The following TMPRSS9 variants were observed in gnomAD, a reference collection of about 807,000 sequenced individuals.
The protein encoded by TMPRSS9 is transmembrane protease serine 9.
TMPRSS9 carries 113 observed loss-of-function variants against 111.4 expected under a neutral mutation model. The observed-to-expected ratio is 1.01, with a 90% CI of 0.87 to 1.19. The LOEUF (loss-of-function observed/expected upper bound fraction) is 1.19, where lower values mean the gene tolerates loss of function less well. Among genes scored for constraint, TMPRSS9 ranks in the 50% most tolerant of loss-of-function variants. TMPRSS9 has a pLI of 0.00. For missense variants in TMPRSS9, 1,803 were observed against 1,513.1 expected, an observed-to-expected ratio of 1.19 and a Z score of -3.18; for synonymous variants, 805 against 659.1, an observed-to-expected ratio of 1.22 and a Z score of -3.39.
At chr19:2,403,312 G>A (rs992604971) in intron 6 of TMPRSS9, 117 bp downstream of exon 7, 11 of 849,172 alleles carry the variant, frequency 1.3e-5, no homozygotes, top group Non-Finnish European at 2.1e-5. Context: ...TGGCATTTAT[G>A]GGGGCTGGGC....
At chr19:2,405,755 G>C (rs1471783185) in intron 7 of TMPRSS9, among the ~76,000 whole-genome samples, 1 of 150,562 alleles carries the variant, frequency 6.6e-6, no homozygotes, top group African/African-American at 2.4e-5. Flanking sequence ...GTCCAGGCTG[G>C]AGTGCAGTGA....
intron 10 of TMPRSS9, chr19:2,414,237 G>T: frequency 1.9e-6 from 1 of 516,504 alleles, no homozygotes; most frequent in African/African-American, 1.9e-5. Context: ...ATCTATCAAT[G>T]GGATACTTTT....
chr19:2,375,159 C>T (rs984648479), intron 1 of TMPRSS9, among the ~76,000 whole-genome samples: 4 of 152,232 alleles, frequency 2.6e-5, no homozygotes, highest in African/African-American at 9.6e-5. Context: ...CCCACGTCTA[C>T]ACGTGGCAGT....
intron 13 of TMPRSS9, among the ~76,000 whole-genome samples, chr19:2,419,714 A>G (rs915763677): frequency 1.3e-5 from 2 of 151,582 alleles, no homozygotes; most frequent in Admixed American, 6.6e-5. Context: ...ACGTGGTTTC[A>G]CCATGTTGGC....
At chr19:2,422,761 G>A (rs1971496074) in intron 14 of TMPRSS9, among the ~76,000 whole-genome samples, 2 of 152,200 alleles carry the variant, frequency 1.3e-5, no homozygotes, top group Admixed American at 6.5e-5. Flanking sequence ...GGTGACAGGT[G>A]CCTGTAATCC....
At chr19:2,394,628 G>A (rs937786030) in intron 1 of TMPRSS9, among the ~76,000 whole-genome samples, 2 of 151,874 alleles carry the variant, frequency 1.3e-5, no homozygotes, top group African/African-American at 4.8e-5. Flanking sequence ...AAAACATACC[G>A]TTTTTAGAAT....
intron 7 of TMPRSS9, among the ~76,000 whole-genome samples, chr19:2,406,475 C>T (rs748221762): frequency 7.4e-4 from 111 of 149,526 alleles, no homozygotes; most frequent in Non-Finnish European, 1.2e-3. Flanking sequence ...TACAGGTGCA[C>T]GCCACCATGC....
At position 2,378,322 on chromosome 19, in the gene TMPRSS9, A is replaced by G. The variant is rs528977445; in HGVS notation, c.-25-11439A>G. 5.9e-5 allele frequency among the ~76,000 whole-genome samples: 9 copies of G among 152,308 alleles called. No homozygotes were observed. The South Asian group carries it at 1.9e-3, about 32-fold the overall frequency. On this transcript the variant is annotated intron_variant, in intron 1 of 17. Transcript: ENST00000649857. ...GAATTGAGTGGTTTCCTGAGACATG[A>G]GACTTTCAGTGCTGAACAGGGACAG...
rs1599301337 is a variant in TMPRSS9, at chr19:2,407,608, C to CTTTTCTTTTCTT, written c.843-744_843-743insCTTTTCTTTTTT. ...ACCTGTGATTTTTTTCTTTTCTTTTCTTTTTTTTTTTTTTTTTTTTTGAGA... is the reference window on the plus strand; with the variant it reads ...ACCTGTGATTTTTTTCTTTTCTTTTCTTTTCTTTTCTTTTTTTTTTTTTTTTTTTTTTTGAGA... On this transcript the variant is annotated intron_variant, in intron 7 of 17. Coordinates refer to ENST00000648592, the Ensembl canonical transcript of TMPRSS9. 1.1e-3 allele frequency among the ~76,000 whole-genome samples: 107 copies of CTTTTCTTTTCTT among 98,342 alleles called. 1 individual carries two copies. Among genetic ancestry groups the CTTTTCTTTTCTT allele is most frequent in the African/African-American group, 1.9e-3 (47 of 24,458 alleles). The allele number at this position is 98,342 out of a possible 152,430, so 64.5% of individuals were successfully genotyped here. A position where few individuals can be genotyped will look rare whatever the true frequency, so the allele number is the denominator to read the frequency against.
Position 2,425,341 on chromosome 19 carries a change from G to C in TMPRSS9, c.2984-16G>C, listed in dbSNP as rs1311407208. 2.1e-6 allele frequency: 3 copies of C among 1,455,684 alleles called. No homozygotes were observed. The highest frequency in any genetic ancestry group is 1.5e-5 in the African/African-American group (1 of 67,102). The allele number at this position is 1,455,684 out of a possible 1,614,324, so 90.2% of individuals were successfully genotyped here. ...ACGCGGTCCCCACCCGCCCCGTCTC[G>C]CTCGCCCGCCCGCAGGCTCCATGGC... On this transcript the variant is annotated splice_polypyrimidine_tract_variant and intron_variant, in intron 16 of 17. Transcript: ENST00000648592.
At position 2,421,283 on chromosome 19, in the gene TMPRSS9, T is replaced by A. The variant is rs187374047; in HGVS notation, c.2155-571T>A. ...TGGGACTATTCATGGCTGTTATTGT[T>A]GTTATTTATTTATTTTTTTTTTTGA... On this transcript the variant is annotated intron_variant, in intron 13 of 17. Transcript: ENST00000648592. Among the ~76,000 whole-genome samples the A allele has an allele frequency of 5.5e-3, 833 of 151,180 alleles. 6 individuals carry two copies. The highest frequency in any genetic ancestry group is 7.9e-3 in the Non-Finnish European group (539 of 67,920).
chr19:2,385,694 T>C (rs1216847112), upstream of TMPRSS9, among the ~76,000 whole-genome samples: 1 of 151,108 alleles, frequency 6.6e-6, no homozygotes, highest in Non-Finnish European at 1.5e-5. Context: ...CTCTACAGAG[T>C]ATAAAAAAAT....
At chr19:2,414,039 TAGA>T (rs1385762463) in intron 10 of TMPRSS9, 21 bp downstream of exon 11, 50 of 1,528,860 alleles carry the variant, frequency 3.3e-5, no homozygotes, top group Non-Finnish European at 4.1e-5. Context: ...GGCAGAAAGG[TAGA>T]AGATGATGTA....
At chr19:2,379,817 C>A (rs1568170959) in intron 1 of TMPRSS9, among the ~76,000 whole-genome samples, 1 of 151,094 alleles carries the variant, frequency 6.6e-6, no homozygotes, top group Non-Finnish European at 1.5e-5. Flanking sequence ...AGTGCAGTGG[C>A]ACAATCACAC....
chr19:2,414,159 T>C, intron 10 of TMPRSS9, 141 bp downstream of exon 11: 2 of 863,418 alleles, frequency 2.3e-6, no homozygotes, highest in Non-Finnish European at 3.4e-6. Context: ...ATTCCCATCT[T>C]ACGTTGCGTG....
intron 7 of TMPRSS9, among the ~76,000 whole-genome samples, chr19:2,406,082 C>T (rs1325738731): frequency 6.9e-6 from 1 of 145,204 alleles, no homozygotes; most frequent in Non-Finnish European, 1.5e-5. Context: ...GTGATCTCGG[C>T]TCACTGCAAG....
chr19:2,383,843 T>C (rs1049691821), intron 1 of TMPRSS9, among the ~76,000 whole-genome samples: 1 of 151,478 alleles, frequency 6.6e-6, no homozygotes, highest in African/African-American at 2.4e-5. Context: ...GTTAATTGTA[T>C]CTAAAAATTA....
intron 8 of TMPRSS9, 75 bp downstream of exon 9, chr19:2,408,705 G>A (rs1323598312): frequency 1.3e-6 from 2 of 1,539,904 alleles, no homozygotes; most frequent in Non-Finnish European, 1.8e-6. Context: ...GGCCAGGTGA[G>A]GTGGCTCACG....
At chr19:2,408,275 G>T in intron 7 of TMPRSS9, 81 bp from the exon 9 acceptor site, 1 of 1,414,246 alleles carries the variant, frequency 7.1e-7, no homozygotes, top group South Asian at 1.3e-5. Context: ...CTTACATTTT[G>T]CACCCAAGGC....
Sources: gnomAD v4.1 joint callset for allele counts (sites outside exome capture counted in the v4.1 genomes callset) on GRCh38, gnomAD v4.1.1 for gene constraint, MANE v1.5 for transcripts, NCBI Gene and HGNC (gene_info 2026-07-23, HGNC 2026-07-21) for gene names.